Variants in TPH1 observed in about 807,000 individuals in gnomAD.
TPH1 encodes the protein tryptophan hydroxylase 1.
In TPH1, 37 loss-of-function variants were observed where a neutral mutation model predicts 49.5. That is an observed-to-expected ratio of 0.75 (90% confidence interval 0.58 to 0.98). The LOEUF (loss-of-function observed/expected upper bound fraction) is 0.98, where lower values mean the gene tolerates loss of function less well. TPH1 is among the 50% of genes least tolerant of loss of function. The pLI is 0.00. For synonymous variants in TPH1, 160 were observed against 182.1 expected, an observed-to-expected ratio of 0.88 and a Z score of 0.98; for missense variants, 487 against 523.6, an observed-to-expected ratio of 0.93 and a Z score of 0.68.
At chr11:18,043,498 G>A (rs1590269594) in intron 1 of TPH1, among the ~76,000 whole-genome samples, 2 of 152,224 alleles carry the variant, frequency 1.3e-5, no homozygotes, top group East Asian at 3.9e-4. Flanking sequence ...CCAGCTACTC[G>A]GGAGGCTGAG....
intron 8 of TPH1, 26 bp from the exon 9 acceptor site, chr11:18,024,009 TCA>T (rs1854393760): frequency 6.6e-7 from 1 of 1,518,380 alleles, no homozygotes; most frequent in African/African-American, 1.4e-5. Flanking sequence ...AATATTATTC[TCA>T]CACACTGACG....
Position 18,043,699 on chromosome 11 carries a change from C to A in TPH1, c.-27+2542G>T, listed in dbSNP as rs7940067. On this transcript the variant is annotated intron_variant, in intron 1 of 10. Transcript: ENST00000682019. ...TGAGATGCTGTATGAACAACAACAA[C>A]AAAAAAAATTGTTTAAGTTAGCTGG... 3.9e-3 allele frequency among the ~76,000 whole-genome samples: 597 copies of A among 151,914 alleles called. 5 individuals carry two copies. Among genetic ancestry groups the A allele is most frequent in the African/African-American group, 0.013 (550 of 41,446 alleles).
chr11:18,039,341 T>C (rs1206140445), intron 2 of TPH1, among the ~76,000 whole-genome samples: 1 of 152,212 alleles, frequency 6.6e-6, no homozygotes, highest in African/African-American at 2.4e-5. Context: ...TCTCATTTTA[T>C]GGACATAAAT....
At chr11:18,025,218 G>A (rs1280442126) in intron 8 of TPH1, among the ~76,000 whole-genome samples, 2 of 151,966 alleles carry the variant, frequency 1.3e-5, no homozygotes, top group Admixed American at 6.6e-5. Context: ...TTGTAATCTT[G>A]TTTTTCTCTA....
intron 10 of TPH1, 99 bp downstream of exon 10, chr11:18,022,699 G>T: frequency 7.5e-7 from 1 of 1,331,100 alleles, no homozygotes; most frequent in Admixed American, 1.8e-5. Flanking sequence ...GCTCCTTGTG[G>T]GCTTCAAATT....
At chr11:18,036,223 T>A in intron 2 of TPH1, 81 bp from the exon 3 acceptor site, 1 of 1,076,692 alleles carries the variant, frequency 9.3e-7, no homozygotes, top group Non-Finnish European at 1.4e-6. Context: ...TAATTACCAC[T>A]AAAAATCAGA....
chr11:18,033,112 G>C (rs1163003102), intron 4 of TPH1, among the ~76,000 whole-genome samples, 162 bp downstream of exon 4: 1 of 152,134 alleles, frequency 6.6e-6, no homozygotes, highest in Non-Finnish European at 1.5e-5. Context: ...AATTAGCTGG[G>C]TGTGGTTGTG....
chr11:18,026,032 AC>A (rs976998096), intron 7 of TPH1, among the ~76,000 whole-genome samples: 1 of 151,620 alleles, frequency 6.6e-6, no homozygotes, highest in Non-Finnish European at 1.5e-5. Context: ...TTCCCTGATC[AC>A]CCTTTTCAAA....
At position 18,020,818 on chromosome 11, in the gene TPH1, A is replaced by G. The variant is rs1854351106; in HGVS notation, c.*173T>C. The stretch of plus-strand genomic sequence containing the variant: ...AACTAAACAAAAAAATAAGTGGTAA[A>G]TAGAATATCCAGGTACAAATTTTCA... On this transcript the variant is annotated 3_prime_UTR_variant, in exon 11 of 11. Transcript: ENST00000682019. 1.6e-6 allele frequency: 1 copy of G among 642,328 alleles called. No individual in the cohort carries two copies. Among genetic ancestry groups the G allele is most frequent in the Admixed American group, 2.8e-5 (1 of 35,224 alleles). The allele number at this position is 642,328 out of a possible 1,614,324, so 39.8% of individuals were successfully genotyped here.
intron 2 of TPH1, among the ~76,000 whole-genome samples, chr11:18,037,176 T>C (rs1478060390): frequency 1.3e-5 from 2 of 151,876 alleles, no homozygotes; most frequent in Non-Finnish European, 2.9e-5. Flanking sequence ...CTGGACCACA[T>C]AGCAAGACCC....
At chr11:18,040,461 G>C (rs1337190983) in intron 2 of TPH1, among the ~76,000 whole-genome samples, 185 bp downstream of exon 2, 1 of 151,138 alleles carries the variant, frequency 6.6e-6, no homozygotes, top group Non-Finnish European at 1.5e-5. Context: ...CTGGACTCCC[G>C]GACTGAAGCA....
Position 18,020,866 on chromosome 11 carries a change from G to T in TPH1, c.*125C>A. 1.1e-6 allele frequency: 1 copy of T among 874,122 alleles called. No homozygotes were observed. The allele number at this position is 874,122 out of a possible 1,614,324, so 54.1% of individuals were successfully genotyped here. A position where few individuals can be genotyped will look rare whatever the true frequency, so the allele number is the denominator to read the frequency against. ...TCAAAGACTAGTGATTCCTTAAGTA[G>T]TGGAATTCGATAATATTGTTTGGCC... On this transcript the variant is annotated 3_prime_UTR_variant, in exon 11 of 11. Transcript: ENST00000682019.
chr11:18,026,926 A>AT (rs1847934368), intron 6 of TPH1, among the ~76,000 whole-genome samples: 1 of 152,232 alleles, frequency 6.6e-6, no homozygotes, highest in Non-Finnish European at 1.5e-5. Context: ...CCAAGTCCAC[A>AT]CATTAGTTGA....
Position 18,038,827 on chromosome 11 carries a change from G to T in TPH1, c.117+1819C>A, listed in dbSNP as rs541033070. On this transcript the variant is annotated intron_variant, in intron 2 of 10. Coordinates refer to ENST00000682019, the MANE Select transcript of TPH1 (RefSeq NM_004179.3). The stretch of plus-strand genomic sequence containing the variant: ...AAAGCTGATGGAAGAAGACATACAG[G>T]TATTTTATTTAAAGACCCAAAGGTA... 2.6e-5 allele frequency among the ~76,000 whole-genome samples: 4 copies of T among 152,224 alleles called. No individual in the cohort carries two copies. In the South Asian group the frequency reaches 6.2e-4, roughly 24 times the overall value.
At chr11:18,022,221 C>T (rs760449429) in intron 10 of TPH1, among the ~76,000 whole-genome samples, 14 of 152,336 alleles carry the variant, frequency 9.2e-5, no homozygotes, top group Non-Finnish European at 1.5e-4. Context: ...TAAAAAGTTT[C>T]TCTGCCTCCA....
intron 6 of TPH1, among the ~76,000 whole-genome samples, chr11:18,028,170 AAAAGT>A: frequency 6.6e-6 from 1 of 152,374 alleles, no homozygotes; most frequent in East Asian, 1.9e-4. Context: ...CTAGCTAGAA[AAAAGT>A]AAAGAGGCCT....
chr11:18,031,608 G>A (rs535796047), intron 4 of TPH1, among the ~76,000 whole-genome samples: 1 of 152,206 alleles, frequency 6.6e-6, no homozygotes, highest in South Asian at 2.1e-4. Context: ...CCAGTTTAAG[G>A]GATGTGGTAG....
intron 6 of TPH1, 60 bp from the exon 7 acceptor site, chr11:18,026,685 A>G: frequency 6.2e-7 from 1 of 1,606,808 alleles, no homozygotes; most frequent in Non-Finnish European, 8.5e-7. Context: ...TGACTGCAGC[A>G]TTTTAGTTCT....
rs1163251916 is a variant in TPH1, at chr11:18,018,905, C to T, written c.*2086G>A. On this transcript the variant is annotated 3_prime_UTR_variant, in exon 11 of 11. Transcript: ENST00000682019. ...TTATTTGCTATCTATTTTTTAATTT[C>T]CTTTTTCTACATGTTCTAAGATTTG... is the stretch of plus-strand genomic sequence containing the variant. 1 of 151,488 alleles carries T rather than the reference C, an allele frequency of 6.6e-6. No individual in the cohort carries two copies. Among genetic ancestry groups the T allele is most frequent in the Non-Finnish European group, 1.5e-5 (1 of 67,872 alleles). 9.4% of individuals were successfully genotyped at this position (151,488 alleles called of 1,614,324 possible).
Sources: allele counts gnomAD v4.1 joint callset (sites outside exome capture counted in the v4.1 genomes callset), GRCh38; gene constraint gnomAD v4.1.1; transcripts MANE v1.5; gene names NCBI Gene and HGNC (gene_info 2026-07-23, HGNC 2026-07-21).